Variants in TRPM2 observed in about 807,000 individuals in gnomAD.
TRPM2 encodes the protein estrogen-responsive element-associated gene 1 protein.
Under a neutral mutation model 174.0 loss-of-function variants are expected in TRPM2, and 161 were observed. The ratio of observed to expected loss-of-function variants is 0.93; its 90% confidence interval spans 0.81 to 1.05. The LOEUF is 1.05. Ranked by LOEUF, TRPM2 falls within the 50% of genes least tolerant of loss-of-function variation. The pLI is 0.00. For synonymous variants in TRPM2, 954 were observed against 861.3 expected (o/e 1.11, Z -1.88); for missense variants, 2,057 against 2,038.0 (o/e 1.01, Z -0.18).
intron 27 of TRPM2, among the ~76,000 whole-genome samples, chr21:44,430,256 A>G (rs2050975142): frequency 6.6e-6 from 1 of 152,220 alleles, no homozygotes; most frequent in Non-Finnish European, 1.5e-5. Flanking sequence ...GTATGAGGTT[A>G]TACCAGTCTC....
chr21:44,435,738 C>G (rs1219052504), intron 28 of TRPM2, among the ~76,000 whole-genome samples: 2 of 133,078 alleles, frequency 1.5e-5, no homozygotes, highest in Admixed American at 7.2e-5. Context: ...GCCCCACACT[C>G]ACCCCTCAGA....
At chr21:44,417,128 G>T (rs1275171513) in intron 20 of TRPM2, among the ~76,000 whole-genome samples, 2 of 126,532 alleles carry the variant, frequency 1.6e-5, no homozygotes, top group African/African-American at 6.3e-5. Context: ...GCATGGCTCT[G>T]CTCTCTGGCA....
chr21:44,421,808 G>C (rs1470292176), intron 22 of TRPM2, among the ~76,000 whole-genome samples: 1 of 152,116 alleles, frequency 6.6e-6, no homozygotes, highest in Non-Finnish European at 1.5e-5. Context: ...GTGCACATGG[G>C]GTCAGAGTCC....
At chr21:44,353,569 A>G (rs1056101025), upstream of TRPM2, 2 of 1,195,520 alleles carry the variant, frequency 1.7e-6, no homozygotes, top group East Asian at 3.2e-5. Flanking sequence ...TCAGAACATC[A>G]GCCTCATCTT....
chr21:44,384,526 C>G (rs1266261642), intron 9 of TRPM2, among the ~76,000 whole-genome samples: 1 of 152,182 alleles, frequency 6.6e-6, no homozygotes. Context: ...CTTTTTATAA[C>G]AAGCCCACTC....
intron 9 of TRPM2, among the ~76,000 whole-genome samples, chr21:44,386,298 C>T (rs2049014109): frequency 6.6e-6 from 1 of 152,096 alleles, no homozygotes; most frequent in South Asian, 2.1e-4. Context: ...GTCCCAGCTA[C>T]TTGGGAGGCT....
chr21:44,429,831 A>G (rs2050963314), intron 27 of TRPM2, among the ~76,000 whole-genome samples: 1 of 152,214 alleles, frequency 6.6e-6, no homozygotes, highest in African/African-American at 2.4e-5. Context: ...AGTGTAATTT[A>G]GAATATTGGT....
intron 25 of TRPM2, 113 bp from the exon 26 acceptor site, chr21:44,426,547 T>C (rs779594929): frequency 1.0e-5 from 11 of 1,075,358 alleles, no homozygotes; most frequent in Non-Finnish European, 1.3e-5. Context: ...CCCTGCATGT[T>C]GGGATGTTGG....
At chr21:44,350,659 T>G (rs1332293072), upstream of TRPM2, among the ~76,000 whole-genome samples, 3 of 43,812 alleles carry the variant, frequency 6.8e-5, no homozygotes, top group African/African-American at 9.6e-5. Flanking sequence ...CGGGCACTGG[T>G]GCAGGGTGCG....
intron 8 of TRPM2, 134 bp from the exon 9 acceptor site, chr21:44,382,584 T>G (rs2146213973): frequency 1.4e-6 from 1 of 704,644 alleles, no homozygotes; most frequent in Non-Finnish European, 2.5e-6. Context: ...AGAGGAGATG[T>G]GGTGGTGTCC....
chr21:44,408,066 C>T (rs2049965803), intron 19 of TRPM2, among the ~76,000 whole-genome samples: 2 of 151,942 alleles, frequency 1.3e-5, no homozygotes, highest in East Asian at 3.9e-4. Context: ...CTGCCTCAGC[C>T]TCCCGAGTAG....
Position 44,369,235 on chromosome 21 carries a change from GGTGC to G in TRPM2, c.665_668del (p.Val222GlyfsTer5). On this transcript the variant is annotated frameshift_variant, in exon 5 of 32. Coordinates refer to ENST00000397928, the MANE Select transcript of TRPM2 (RefSeq NM_003307.4). LOFTEE classifies it high-confidence loss of function. ...GCGTCATGAAGCAGGTAGGCGAGGC[GGTGC>G]GGGACTTCAGCCTGAGCAGCAGCTA... is the stretch of plus-strand genomic sequence containing the variant. 2 of 1,613,660 alleles carry G rather than the reference GGTGC, an allele frequency of 1.2e-6. No individual in the cohort carries two copies. The highest frequency in any genetic ancestry group is 8.5e-7 in the Non-Finnish European group (1 of 1,179,900).
rs1454656032 is a variant in TRPM2 at position 44,353,779 on chromosome 21, C to G, written c.79C>G (p.Leu27Val). Residue 27 changes from leucine to valine, a missense_variant, in exon 1 of 32, where the codon CTG becomes GTG. By Grantham distance (32) the Leu-to-Val change is conservative (BLOSUM62 1). Coordinates refer to ENST00000397928, the MANE Select transcript of TRPM2 (RefSeq NM_003307.4). ...GGGGCTGCCCAGAAGGGTCACTGAC[C>G]TGGGGATGGTCTCCAATCTCCGGCG... ...FEGLPRRVTD[L>V]GMVSNLRRSN... 1 of 1,603,218 alleles carries G rather than the reference C, an allele frequency of 6.2e-7. No homozygotes were observed. Among genetic ancestry groups the G allele is most frequent in the Admixed American group, 1.7e-5 (1 of 58,172 alleles).
intron 11 of TRPM2, among the ~76,000 whole-genome samples, chr21:44,393,421 A>T (rs1400613670): frequency 6.6e-6 from 1 of 152,154 alleles, no homozygotes; most frequent in African/African-American, 2.4e-5. Flanking sequence ...GTGCAAGTTT[A>T]ATATACTGGA....
rs138426423 is a variant in TRPM2 at position 44,441,725 on chromosome 21, C to T, written c.4420C>T (p.Arg1474Ter). 148 of 1,611,940 alleles carry T rather than the reference C, an allele frequency of 9.2e-5. No homozygotes were observed. Among genetic ancestry groups the T allele is most frequent in the Middle Eastern group, 5.0e-4 (3 of 6,060 alleles). ...LHACDSGASI[R>*]WQVVDRRIPL... ...CGCCTGCGACTCGGGGGCCTCCATC[C>T]GATGGCAGGTGGTGGACAGGCGCAT... The change falls in exon 32 of 32, where the codon CGA becomes TGA. Residue 1474 changes from arginine to a stop codon, truncating the protein, a stop_gained. Coordinates refer to ENST00000397928, the MANE Select transcript of TRPM2 (RefSeq NM_003307.4). LOFTEE classifies it high-confidence loss of function.
chr21:44,369,296 G>C lies in TRPM2; in HGVS notation c.724G>C (p.Ala242Pro), dbSNP rs759377341. ...KEGELITIGV[A>P]TWGTVHRREG... is the part of the protein sequence containing the mutation. ...AGGCGAGCTCATCACCATCGGAGTC[G>C]CCACCTGGGGCACTGTCCACCGCCG... is the stretch of plus-strand genomic sequence containing the variant. Residue 242 changes from alanine (A) to proline (P), a missense_variant, in exon 5 of 32, where the codon GCC (alanine) becomes CCC (proline). Physicochemically the swap from Ala to Pro is conservative, Grantham distance 27 (BLOSUM62 -1). Transcript: ENST00000397928. 7 of 1,613,532 alleles carry C rather than the reference G, an allele frequency of 4.3e-6. No individual in the cohort carries two copies. The highest frequency in any genetic ancestry group is 5.9e-6 in the Non-Finnish European group (7 of 1,179,860).
At position 44,391,527 on chromosome 21, in the gene TRPM2, C is replaced by T; in HGVS notation, c.1696C>T (p.Arg566Trp). 2 of 1,606,756 alleles carry T rather than the reference C, an allele frequency of 1.2e-6. No homozygotes were observed. Among genetic ancestry groups the T allele is most frequent in the Non-Finnish European group, 8.5e-7 (1 of 1,178,864 alleles). Reference protein sequence around the residue: ...LQMHHVAQVLRELLGDFTQPL... With the variant: ...LQMHHVAQVLWELLGDFTQPL... ...GATGCACCACGTGGCCCAGGTGCTG[C>T]GGGAGCTGCTGGGGGACTTCACGCA... The change falls in exon 11 of 32, where the codon CGG becomes TGG. Residue 566 changes from arginine to tryptophan, a missense_variant. Coordinates refer to ENST00000397928, the MANE Select transcript of TRPM2 (RefSeq NM_003307.4). This position sits in a 1 kb window ranked among gnomAD's most constrained non-coding sequence, Gnocchi z 5.0.
chr21:44,407,268 T>C (rs1031363987), intron 19 of TRPM2, among the ~76,000 whole-genome samples: 5 of 142,770 alleles, frequency 3.5e-5, no homozygotes, highest in East Asian at 2.1e-4. Context: ...TGGGACTGCA[T>C]GTGCACGCCA....
At position 44,376,995 on chromosome 21, in the gene TRPM2, TCAGGGAC is replaced by T. The variant is rs1336052300; in HGVS notation, c.953-707_953-701del. Reference sequence around the variant, plus strand: ...TCCCTGGTGAGGACGATGCTGCAGTTCAGGGACCAGGGACCACACTTTGAGAACCTGC... The same window carrying T: ...TCCCTGGTGAGGACGATGCTGCAGTTCAGGGACCACACTTTGAGAACCTGC... On this transcript the variant is annotated intron_variant, in intron 6 of 31. Transcript: ENST00000397928. This position sits in a 1 kb window ranked among gnomAD's most constrained non-coding sequence, Gnocchi z 4.2. 2.0e-5 allele frequency among the ~76,000 whole-genome samples: 3 copies of T among 150,108 alleles called. No homozygotes were observed. Among genetic ancestry groups the T allele is most frequent in the Non-Finnish European group, 4.4e-5 (3 of 67,848 alleles).
Sources: allele counts gnomAD v4.1 joint callset (sites outside exome capture counted in the v4.1 genomes callset), GRCh38; gene constraint gnomAD v4.1.1; non-coding constraint Gnocchi (gnomAD v3.1); transcripts MANE v1.5; gene names NCBI Gene and HGNC (gene_info 2026-07-23, HGNC 2026-07-21).